TPD52: variants seen among roughly 807,000 people sequenced by gnomAD.
TPD52 encodes the protein tumor protein D52.
In TPD52, 17 loss-of-function variants were observed where a neutral mutation model predicts 31.3. That is an observed-to-expected ratio of 0.54 (90% CI 0.37 to 0.82). The LOEUF is 0.82. Among genes scored for constraint, TPD52 ranks in the 40% least tolerant of loss-of-function variants. The pLI, the probability that TPD52 is intolerant of heterozygous loss-of-function variation, is 0.00. For synonymous variants in TPD52, 83 were observed against 89.6 expected (o/e 0.93, Z 0.42); for missense variants, 212 against 240.1 (o/e 0.88, Z 0.77).
At chr8:80,056,427 C>G (rs1811894916) in intron 2 of TPD52, among the ~76,000 whole-genome samples, 1 of 152,022 alleles carries the variant, frequency 6.6e-6, no homozygotes, top group Non-Finnish European at 1.5e-5. Flanking sequence ...TAAAAGACAA[C>G]CAACAGAATG....
Position 80,053,286 on chromosome 8 carries a change from A to ATGTTGCTGTCACGTC in TPD52, c.265_279dup (p.Asp89_Thr93dup). 1.2e-6 allele frequency: 2 copies of ATGTTGCTGTCACGTC among 1,613,340 alleles called. No homozygotes were observed. Among genetic ancestry groups the ATGTTGCTGTCACGTC allele is most frequent in the Non-Finnish European group, 1.7e-6 (2 of 1,179,512 alleles). ...TGTATGATCAAGGAAACATACGCAG[A>ATGTTGCTGTCACGTC]TGTTGCTGTCACGTCTTGCCACCCT... On this transcript the variant is annotated inframe_insertion, in exon 3 of 8. Transcript: ENST00000518937.
chr8:80,132,729 T>G (rs186064073), intron 1 of TPD52, among the ~76,000 whole-genome samples: 1 of 152,236 alleles, frequency 6.6e-6, no homozygotes, highest in Admixed American at 6.5e-5. Flanking sequence ...GAAGGGGAGC[T>G]GATGGCGCCA....
In TPD52 at chr8:80,035,985, C is replaced by A. The variant is rs151276904; in HGVS notation, c.*2131G>T. On this transcript the variant is annotated 3_prime_UTR_variant, in exon 8 of 8. Transcript: ENST00000518937. ...AATTCATGTTTTTTTCTAAATCCAT[C>A]CTCACTCTTTTTAATACTTCTTTCA... 4 of 152,272 alleles carry A rather than the reference C, an allele frequency of 2.6e-5. No individual in the cohort carries two copies. Among genetic ancestry groups the A allele is most frequent in the African/African-American group, 9.6e-5 (4 of 41,558 alleles). The allele number at this position is 152,272 out of a possible 1,614,324, so 9.4% of individuals were successfully genotyped here. A position where few individuals can be genotyped will look rare whatever the true frequency, so the allele number is the denominator to read the frequency against.
chr8:80,050,093 A>G (rs1238801472), intron 5 of TPD52, among the ~76,000 whole-genome samples: 1 of 152,322 alleles, frequency 6.6e-6, no homozygotes, highest in East Asian at 1.9e-4. Flanking sequence ...AAAAGTACCA[A>G]AGAAACAAAA....
chr8:80,143,843 T>C (rs962976773), intron 1 of TPD52, among the ~76,000 whole-genome samples: 1 of 152,138 alleles, frequency 6.6e-6, no homozygotes, highest in Admixed American at 6.5e-5. Flanking sequence ...ATATTAAACA[T>C]CAAAGCAGAC....
chr8:80,048,592 T>C (rs1397521612), intron 5 of TPD52, among the ~76,000 whole-genome samples: 2 of 152,238 alleles, frequency 1.3e-5, no homozygotes, highest in Non-Finnish European at 2.9e-5. Flanking sequence ...GGGTAGTTCT[T>C]GAGGGAACGT....
At chr8:80,086,405 C>A (rs1208169148) in intron 1 of TPD52, among the ~76,000 whole-genome samples, 1 of 151,810 alleles carries the variant, frequency 6.6e-6, no homozygotes, top group African/African-American at 2.4e-5. Flanking sequence ...GTGTGAGCCA[C>A]CGAGCCTGAC....
rs140350089 is a variant in TPD52 at position 80,111,000 on chromosome 8, G to A, written c.20-46407C>T. Among the ~76,000 whole-genome samples, 57 of 152,278 alleles carry A rather than the reference G, an allele frequency of 3.7e-4. 1 individual carries two copies. In the East Asian group the frequency reaches 0.011, roughly 29 times the overall value. On this transcript the variant is annotated intron_variant, in intron 1 of 7. Transcript: ENST00000518937. ...GTGGAAGGATCACTTGAGGCCAGGAGTTCAAGATTAGCCTGGGCAACATAG... is the reference window on the plus strand; with the variant it reads ...GTGGAAGGATCACTTGAGGCCAGGAATTCAAGATTAGCCTGGGCAACATAG...
chr8:80,140,083 A>G (rs575050249), intron 1 of TPD52, among the ~76,000 whole-genome samples: 24 of 152,334 alleles, frequency 1.6e-4, no homozygotes, highest in African/African-American at 4.8e-4. Flanking sequence ...TTTTTTCAGC[A>G]CCAGTCCAGC....
At chr8:80,057,995 A>C (rs1586179154) in intron 2 of TPD52, among the ~76,000 whole-genome samples, 1 of 152,176 alleles carries the variant, frequency 6.6e-6, no homozygotes, top group Non-Finnish European at 1.5e-5. Flanking sequence ...CTGTTGTAAT[A>C]ATTAATGAAA....
intron 1 of TPD52, chr8:80,080,480 G>T (rs763776087): frequency 1.9e-6 from 3 of 1,610,734 alleles, no homozygotes; most frequent in Non-Finnish European, 2.5e-6. Flanking sequence ...ATGCATGGCT[G>T]TCTAATCGCC....
chr8:80,080,836 A>T, intron 1 of TPD52: 1 of 828,430 alleles, frequency 1.2e-6, no homozygotes, highest in Non-Finnish European at 1.5e-6. Flanking sequence ...ACACTGGCTG[A>T]CTTACAACAA....
At chr8:80,158,846 A>G (rs1811152375) in intron 1 of TPD52, 1 of 141,602 alleles carries the variant, frequency 7.1e-6, no homozygotes, top group South Asian at 2.4e-4. Flanking sequence ...TGGGAGGCTG[A>G]GGCAGGAGAA....
At chr8:80,095,375 A>G (rs911139333) in intron 1 of TPD52, among the ~76,000 whole-genome samples, 11 of 152,182 alleles carry the variant, frequency 7.2e-5, no homozygotes, top group African/African-American at 2.4e-4. Context: ...GGAGGCAAGC[A>G]GGAATGACTA....
Position 80,171,411 on chromosome 8 carries a change from G to A in TPD52, c.19+14C>T, listed in dbSNP as rs1563678730. ...CCAAGCCCGAGCCCAAGCCCGCTGG[G>A]TCCGCGCCCTCACCTTGCTCGCCGC... On this transcript the variant is annotated intron_variant, in intron 1 of 7. Transcript: ENST00000518937. 2 of 1,596,210 alleles carry A rather than the reference G, an allele frequency of 1.3e-6. No homozygotes were observed. Among genetic ancestry groups the A allele is most frequent in the Non-Finnish European group, 1.7e-6 (2 of 1,177,884 alleles).
chr8:80,077,919 C>T (rs1372461209), intron 1 of TPD52, among the ~76,000 whole-genome samples: 1 of 152,126 alleles, frequency 6.6e-6, no homozygotes, highest in African/African-American at 2.4e-5. Context: ...GTTAGCAGAA[C>T]CAGATGAGCA....
chr8:80,089,495 C>T (rs1816086676), intron 1 of TPD52, among the ~76,000 whole-genome samples: 2 of 152,002 alleles, frequency 1.3e-5, no homozygotes, highest in African/African-American at 4.8e-5. Flanking sequence ...AACTTCTATC[C>T]TCAGGGAAAA....
intron 1 of TPD52, chr8:80,067,385 A>T (rs1181043616): frequency 6.6e-6 from 1 of 152,230 alleles, no homozygotes; most frequent in Non-Finnish European, 1.5e-5. Flanking sequence ...AAATTAAAGA[A>T]CACCAAGGAA....
intron 1 of TPD52, among the ~76,000 whole-genome samples, chr8:80,154,708 C>T (rs1472233784): frequency 3.0e-4 from 2 of 6,656 alleles, no homozygotes; most frequent in Non-Finnish European, 4.7e-4. Context: ...TCATGACATA[C>T]ACACACACAC....
Sources: allele counts gnomAD v4.1 joint callset (sites outside exome capture counted in the v4.1 genomes callset), GRCh38; gene constraint gnomAD v4.1.1; transcripts MANE v1.5; gene names NCBI Gene and HGNC (gene_info 2026-07-23, HGNC 2026-07-21).